PNPT1: variants seen among roughly 807,000 people sequenced by gnomAD.
The protein encoded by PNPT1 is polyribonucleotide nucleotidyltransferase 1, mitochondrial.
In PNPT1, 53 loss-of-function variants were observed where a neutral mutation model predicts 119.5. The ratio of observed to expected loss-of-function variants is 0.44; its 90% CI spans 0.36 to 0.56. The LOEUF is 0.56. Among genes scored for constraint, PNPT1 ranks in the 20% least tolerant of loss-of-function variants. The pLI is 0.00. For synonymous variants in PNPT1, 357 were observed against 322.1 expected, an observed-to-expected ratio of 1.11 and a Z score of -1.16; for missense variants, 948 against 938.5, an observed-to-expected ratio of 1.01 and a Z score of -0.13.
chr2:55,641,283 ATTTTT>A (rs10713596), intron 25 of PNPT1, among the ~76,000 whole-genome samples: 6 of 100,102 alleles, frequency 6.0e-5, no homozygotes, highest in Admixed American at 2.2e-4. Flanking sequence ...TTCCAAAAAC[ATTTTT>A]TTTTTTTTTT....
rs146554440 is a variant in PNPT1 at position 55,646,457 on chromosome 2, G to A, written c.1632C>T (p.Asp544=). ...CTTTATTAGTGCCAGCTATTTTGAA[G>A]TCCATGTCACCATTGTAATCTTCAA... The part of the protein sequence containing the change: ...LGIEDYNGDM[D]FKIAGTNKGI... The change falls in exon 20 of 28, where the codon GAC becomes GAT. Residue 544 remains aspartate, a synonymous_variant. Coordinates refer to ENST00000447944, the MANE Select transcript of PNPT1 (RefSeq NM_033109.5). 6.3e-4 allele frequency: 1,021 copies of A among 1,612,630 alleles called. 10 individuals carry two copies. In the East Asian group the frequency reaches 0.014, roughly 22 times the overall value.
At chr2:55,688,814 T>G (rs1379979151) in intron 1 of PNPT1, among the ~76,000 whole-genome samples, 1 of 152,020 alleles carries the variant, frequency 6.6e-6, no homozygotes, top group East Asian at 1.9e-4. Context: ...AAATATAAAC[T>G]CCTAAATATT....
In PNPT1 at chr2:55,684,933, A is replaced by T. The variant is rs751787709; in HGVS notation, c.403+10T>A. The stretch of plus-strand genomic sequence containing the variant: ...CAGAGAAGATGAACGCCTCTATGTT[A>T]ATATCTTACCTATTATTCGACTTGT... On this transcript the variant is annotated intron_variant, in intron 4 of 27. Transcript: ENST00000447944. 18 of 1,553,902 alleles carry T rather than the reference A, an allele frequency of 1.2e-5. No individual in the cohort carries two copies. Among genetic ancestry groups the T allele is most frequent in the Non-Finnish European group, 1.4e-5 (16 of 1,141,056 alleles).
At chr2:55,691,098 G>T (rs1361760576) in intron 1 of PNPT1, among the ~76,000 whole-genome samples, 1 of 152,168 alleles carries the variant, frequency 6.6e-6, no homozygotes, top group Non-Finnish European at 1.5e-5. Flanking sequence ...GGGGAGTGGA[G>T]GATCTTTAAC....
chr2:55,643,493 C>A, intron 23 of PNPT1, 68 bp from the exon 24 acceptor site: 1 of 1,360,734 alleles, frequency 7.3e-7, no homozygotes. Flanking sequence ...ATCTGTAATC[C>A]CAGCACTCTG....
intron 1 of PNPT1, among the ~76,000 whole-genome samples, chr2:55,690,766 T>C (rs1697572207): frequency 6.6e-6 from 1 of 152,200 alleles, no homozygotes; most frequent in African/African-American, 2.4e-5. Flanking sequence ...ACAGATGTTA[T>C]AATGATGAAA....
intron 22 of PNPT1, 183 bp downstream of exon 22, chr2:55,645,166 G>A (rs1017798507): frequency 3.5e-5 from 14 of 405,168 alleles, no homozygotes; most frequent in South Asian, 1.4e-4. Context: ...TGGGACTACA[G>A]GCGCCCGCCA....
At chr2:55,689,795 T>C (rs1697532174) in intron 1 of PNPT1, among the ~76,000 whole-genome samples, 1 of 152,176 alleles carries the variant, frequency 6.6e-6, no homozygotes, top group South Asian at 2.1e-4. Context: ...AATATACTAA[T>C]ATCCATTGAA....
chr2:55,689,604 TC>T (rs1697526372), intron 1 of PNPT1, among the ~76,000 whole-genome samples: 1 of 152,180 alleles, frequency 6.6e-6, no homozygotes, highest in African/African-American at 2.4e-5. Flanking sequence ...AAGAAGACAG[TC>T]ACCAAAGACT....
intron 25 of PNPT1, 29 bp from the exon 26 acceptor site, chr2:55,640,734 T>TA: frequency 7.2e-7 from 1 of 1,384,022 alleles, no homozygotes; most frequent in Non-Finnish European, 1.0e-6. Context: ...TAAGCCTGGT[T>TA]AAAATAATAA....
At chr2:55,637,481 T>C (rs960440516) in intron 27 of PNPT1, 71 bp downstream of exon 27, 2 of 1,418,180 alleles carry the variant, frequency 1.4e-6, no homozygotes, top group East Asian at 2.3e-5. Flanking sequence ...TTCTTTCAAC[T>C]TTTTGAAAAA....
chr2:55,662,447 C>T (rs1373767326), intron 13 of PNPT1, among the ~76,000 whole-genome samples: 1 of 152,104 alleles, frequency 6.6e-6, no homozygotes, highest in Non-Finnish European at 1.5e-5. Flanking sequence ...GAGGCTGAGG[C>T]GGGCAGATCA....
At position 55,640,619 on chromosome 2, in the gene PNPT1, C is replaced by CT; in HGVS notation, c.2148+7dup. ...TAAAAATAATAACAATAACATCTGTCTTTTTACCTTTCGTTGATCAAGTTG... is the reference window on the plus strand; with the variant it reads ...TAAAAATAATAACAATAACATCTGTCTTTTTTACCTTTCGTTGATCAAGTTG... On this transcript the variant is annotated splice_region_variant and intron_variant, in intron 26 of 27. Transcript: ENST00000447944. 6.4e-7 allele frequency: 1 copy of CT among 1,561,630 alleles called. No individual in the cohort carries two copies. Among genetic ancestry groups the CT allele is most frequent in the Non-Finnish European group, 8.8e-7 (1 of 1,134,114 alleles).
rs2586951 is a variant in PNPT1 at position 55,656,578 on chromosome 2, C to A, written c.1285-207G>T. ...TAAAAGTAGCTATTTCAAGTGTGTA[C>A]ATGGATTAGGATGTGGGAACTGGAT... On this transcript the variant is annotated intron_variant, in intron 15 of 27. Coordinates refer to ENST00000447944, the MANE Select transcript of PNPT1 (RefSeq NM_033109.5). Among the ~76,000 whole-genome samples the A allele has an allele frequency of 0.93, 141,999 of 152,304 alleles. 66,757 individuals are homozygous for A. Among genetic ancestry groups the A allele is most frequent in the African/African-American group, 0.97 (40,447 of 41,590 alleles).
intron 12 of PNPT1, 43 bp from the exon 13 acceptor site, chr2:55,667,136 A>G (rs1409746360): frequency 6.8e-7 from 1 of 1,464,198 alleles, no homozygotes; most frequent in Admixed American, 1.7e-5. Flanking sequence ...AACGCTGGAA[A>G]CAGAAAAATC....
chr2:55,642,711 A>G (rs563820906), intron 25 of PNPT1, among the ~76,000 whole-genome samples: 4 of 152,220 alleles, frequency 2.6e-5, no homozygotes, highest in Non-Finnish European at 4.4e-5. Flanking sequence ...AAAACAAAAT[A>G]TACTATACCT....
chr2:55,659,798 GA>G (rs1225110485), intron 15 of PNPT1, among the ~76,000 whole-genome samples: 1 of 152,068 alleles, frequency 6.6e-6, no homozygotes, highest in Non-Finnish European at 1.5e-5. Context: ...GATAAAACTA[GA>G]AAAGTAAAAT....
intron 7 of PNPT1, among the ~76,000 whole-genome samples, 196 bp downstream of exon 7, chr2:55,680,516 A>G (rs765959007): frequency 7.9e-5 from 12 of 152,162 alleles, no homozygotes; most frequent in Non-Finnish European, 1.5e-4. Context: ...ATACCGTAAC[A>G]TATGCTATTA....
intron 8 of PNPT1, among the ~76,000 whole-genome samples, chr2:55,677,975 T>G (rs1440859747): frequency 2.0e-5 from 3 of 152,090 alleles, no homozygotes; most frequent in Non-Finnish European, 2.9e-5. Flanking sequence ...TCTCCTGACC[T>G]CGTGATCTGC....
Sources: allele counts gnomAD v4.1 joint callset (sites outside exome capture counted in the v4.1 genomes callset), GRCh38; gene constraint gnomAD v4.1.1; transcripts MANE v1.5; gene names NCBI Gene and HGNC (gene_info 2026-07-23, HGNC 2026-07-21).